ECE1: variants seen among roughly 807,000 people sequenced by gnomAD.
ECE1 encodes the protein endothelin converting enzyme 1, also known as endothelin-converting enzyme 1.
Under a neutral mutation model 98.6 loss-of-function variants are expected in ECE1, and 35 were observed. The observed-to-expected ratio is 0.35, with a 90% confidence interval of 0.27 to 0.47. ECE1 has a LOEUF of 0.47. Ranked by LOEUF, ECE1 falls within the 20% of genes least tolerant of loss-of-function variation. ECE1 has a pLI of 1.00. For missense variants in ECE1, 814 were observed against 1,025.3 expected, an observed-to-expected ratio of 0.79 and a Z score of 2.81; for synonymous variants, 394 against 407.1, an observed-to-expected ratio of 0.97 and a Z score of 0.39.
At chr1:21,296,500 A>G (rs1389467430) in intron 1 of ECE1, among the ~76,000 whole-genome samples, 1 of 152,174 alleles carries the variant, frequency 6.6e-6, no homozygotes, top group Non-Finnish European at 1.5e-5. Context: ...GTGACAGAGC[A>G]AGACCCTGTC....
intron 1 of ECE1, among the ~76,000 whole-genome samples, chr1:21,328,853 G>T (rs1002799110): frequency 6.6e-6 from 1 of 151,298 alleles, no homozygotes; most frequent in African/African-American, 2.4e-5. Context: ...GGCCTCGGCT[G>T]CTGAGGGTCT....
At chr1:21,241,853 G>A (rs2098196822) in intron 10 of ECE1, among the ~76,000 whole-genome samples, 1 of 152,210 alleles carries the variant, frequency 6.6e-6, no homozygotes, top group South Asian at 2.1e-4. Flanking sequence ...AAAGGAGCGA[G>A]GGTCTGATCG....
At chr1:21,232,734 C>T (rs984500246) in intron 14 of ECE1, among the ~76,000 whole-genome samples, 33 of 150,696 alleles carry the variant, frequency 2.2e-4, no homozygotes, top group Non-Finnish European at 3.7e-4. Flanking sequence ...TGCAGTGGCA[C>T]GATCTCGGCT....
Position 21,220,270 on chromosome 1 carries a change from G to T in ECE1, c.2137-139C>A. On this transcript the variant is annotated intron_variant, in intron 18 of 18. Coordinates refer to ENST00000374893, the MANE Select transcript of ECE1 (RefSeq NM_001397.3). The surrounding 1 kb of genome is among the most constrained non-coding windows in gnomAD (Gnocchi z 5.0). ...CAGCACTTTGGGAGCCAAGGTGGAA[G>T]GGCTGCTTGAGCCCAGGAGTTCATG... 1.0e-6 allele frequency: 1 copy of T among 957,812 alleles called. No homozygotes were observed. The highest frequency in any genetic ancestry group is 1.5e-6 in the Non-Finnish European group (1 of 660,516). 59.3% of individuals were successfully genotyped at this position (957,812 alleles called of 1,614,324 possible).
chr1:21,247,616 G>A (rs952176206), intron 8 of ECE1, among the ~76,000 whole-genome samples: 1 of 152,192 alleles, frequency 6.6e-6, no homozygotes, highest in African/African-American at 2.4e-5. Flanking sequence ...AGCAGCTGCC[G>A]CTACCATTCA....
chr1:21,315,652 G>A lies in ECE1; in HGVS notation c.4-25496C>T, dbSNP rs529311877. Among the ~76,000 whole-genome samples, 16 of 152,096 alleles carry A rather than the reference G, an allele frequency of 1.1e-4. No individual in the cohort carries two copies. The South Asian group carries it at 1.5e-3, about 14-fold the overall frequency. The stretch of plus-strand genomic sequence containing the variant: ...CTACTAAAAATACAAAAATTAGACA[G>A]GTGTGGTAGCGCATGCCTGTAATCC... On this transcript the variant is annotated intron_variant, in intron 1 of 18. Transcript: ENST00000415912.
At chr1:21,224,270 A>C (rs1267098370) in intron 17 of ECE1, among the ~76,000 whole-genome samples, 2 of 152,044 alleles carry the variant, frequency 1.3e-5, no homozygotes, top group South Asian at 2.1e-4. Context: ...ATTCCTCATT[A>C]CTTCGCCCCA....
chr1:21,225,451 G>A lies in ECE1; in HGVS notation c.1850-11C>T. The A allele has an allele frequency of 6.2e-7, 1 of 1,613,582 alleles. No homozygotes were observed. The highest frequency in any genetic ancestry group is 1.1e-5 in the South Asian group (1 of 90,948). ...TGTCATACTCCCGTCCTGTGGGTCA[G>A]AGGGAGGCGTCATGTCAAGGGAGGG... On this transcript the variant is annotated splice_polypyrimidine_tract_variant and intron_variant, in intron 16 of 18. Transcript: ENST00000374893. This position sits in a 1 kb window ranked among gnomAD's most constrained non-coding sequence, Gnocchi z 5.3.
intron 8 of ECE1, among the ~76,000 whole-genome samples, chr1:21,251,575 C>T (rs553842416): frequency 1.8e-4 from 28 of 152,318 alleles, no homozygotes; most frequent in Non-Finnish European, 2.8e-4. Flanking sequence ...TAACTCTTCC[C>T]ACCGTGGCTG....
intron 4 of ECE1, among the ~76,000 whole-genome samples, chr1:21,261,378 C>T (rs1217906776): frequency 6.6e-6 from 1 of 152,146 alleles, no homozygotes; most frequent in African/African-American, 2.4e-5. Context: ...TCCATCCACC[C>T]TCTGACCAGA....
At chr1:21,297,466 C>A (rs1016864981) in intron 1 of ECE1, among the ~76,000 whole-genome samples, 3 of 152,044 alleles carry the variant, frequency 2.0e-5, no homozygotes, top group African/African-American at 7.2e-5. Context: ...TGATCTCCTA[C>A]TGTAGCTCCC....
intron 4 of ECE1, among the ~76,000 whole-genome samples, chr1:21,265,324 G>A (rs940435965): frequency 2.6e-5 from 4 of 152,166 alleles, no homozygotes; most frequent in Non-Finnish European, 4.4e-5. Context: ...TTGAGGTCAG[G>A]AGTTTGAGAC....
At chr1:21,329,200 A>C (rs1297272300) in intron 1 of ECE1, among the ~76,000 whole-genome samples, 1 of 152,150 alleles carries the variant, frequency 6.6e-6, no homozygotes, top group East Asian at 1.9e-4. Flanking sequence ...TCCCCCCGAC[A>C]CTTACTGAGT....
Position 21,264,319 on chromosome 1 carries a change from C to G in ECE1, c.494-3927G>C, listed in dbSNP as rs1023839788. ...CTGGAATATACCAATTCCCCCCCCC[C>G]CTTTTTTTTTTTTGACACTGAGTCT... On this transcript the variant is annotated intron_variant, in intron 4 of 18. Transcript: ENST00000374893. Among the ~76,000 whole-genome samples, 208 of 143,580 alleles carry G rather than the reference C, an allele frequency of 1.4e-3. 2 individuals carry two copies. Among genetic ancestry groups the G allele is most frequent in the Middle Eastern group, 3.5e-3 (1 of 282 alleles). The allele number at this position is 143,580 out of a possible 152,430, so 94.2% of individuals were successfully genotyped here.
At chr1:21,281,191 G>GAAAACAAAACAAAACAAAAC (rs112901908) in intron 2 of ECE1, among the ~76,000 whole-genome samples, 253 of 151,718 alleles carry the variant, frequency 1.7e-3, no homozygotes, top group African/African-American at 5.0e-3. Flanking sequence ...CTCCGTCTCG[G>GAAAACAAAACAAAACAAAAC]AAAACAAAAC....
chr1:21,328,962 A>G (rs1003920240), intron 1 of ECE1, among the ~76,000 whole-genome samples: 11 of 152,156 alleles, frequency 7.2e-5, no homozygotes, highest in African/African-American at 2.7e-4. Flanking sequence ...TGGAATGGAC[A>G]TGCTGGCTGT....
At position 21,233,966 on chromosome 1, in the gene ECE1, T is replaced by G. The variant is rs904215561; in HGVS notation, c.1567-305A>C. ...TGCTCTATGCCTGCGCTGTCCAGTA[T>G]GGCAGACTACTAAGCATTTCTTTCT... On this transcript the variant is annotated intron_variant, in intron 13 of 18. Coordinates refer to ENST00000374893, the MANE Select transcript of ECE1 (RefSeq NM_001397.3). The surrounding 1 kb of genome is among the most constrained non-coding windows in gnomAD (Gnocchi z 4.0). 5.9e-5 allele frequency among the ~76,000 whole-genome samples: 9 copies of G among 152,122 alleles called. No homozygotes were observed. Among genetic ancestry groups the G allele is most frequent in the Non-Finnish European group, 1.3e-4 (9 of 68,008 alleles).
intron 10 of ECE1, among the ~76,000 whole-genome samples, chr1:21,241,980 C>T (rs1423480064): frequency 6.6e-6 from 1 of 152,058 alleles, no homozygotes; most frequent in Non-Finnish European, 1.5e-5. Context: ...TTTTTTTAAC[C>T]TCTTCCTCAC....
chr1:21,249,939 ATT>A (rs71014176), intron 8 of ECE1, among the ~76,000 whole-genome samples: 37 of 134,720 alleles, frequency 2.7e-4, no homozygotes, highest in South Asian at 2.4e-3. Context: ...ACCTTGGCTA[ATT>A]TTTTTTTTTT....
Sources: allele counts gnomAD v4.1 joint callset (sites outside exome capture counted in the v4.1 genomes callset), GRCh38; gene constraint gnomAD v4.1.1; non-coding constraint Gnocchi (gnomAD v3.1); transcripts MANE v1.5; gene names NCBI Gene and HGNC (gene_info 2026-07-23, HGNC 2026-07-21).